SULT1C3: variants seen among roughly 807,000 people sequenced by gnomAD.
SULT1C3 encodes sulfotransferase 1C3.
Under a neutral mutation model 28.4 loss-of-function variants are expected in SULT1C3, and 31 were observed. The ratio of observed to expected loss-of-function variants is 1.09; its 90% CI spans 0.82 to 1.47. The LOEUF (loss-of-function observed/expected upper bound fraction) is 1.47, where lower values mean the gene tolerates loss of function less well. Ranked by LOEUF, SULT1C3 falls within the 40% of genes most tolerant of loss-of-function variation. The pLI, the probability that SULT1C3 is intolerant of heterozygous loss-of-function variation, is 0.00. For missense variants in SULT1C3, 307 were observed against 272.5 expected, an observed-to-expected ratio of 1.13 and a Z score of -0.89; for synonymous variants, 106 against 92.2, an observed-to-expected ratio of 1.15 and a Z score of -0.86.
In SULT1C3 at chr2:108,252,382, G is replaced by A. The variant is rs1396235515; in HGVS notation, c.190G>A (p.Glu64Lys). The change falls in exon 3 of 8, where the codon GAA becomes AAA. Residue 64 changes from glutamate (E) to lysine (K), a missense_variant. Transcript: ENST00000681802. Reference sequence around the variant, plus strand: ...ATTTTCAGGTACAACATGGATGCATGAAATTTTAGACATGATTCTAAATGA... The same window carrying A: ...ATTTTCAGGTACAACATGGATGCATAAAATTTTAGACATGATTCTAAATGA... ...YPKSGTTWMH[E>K]ILDMILNDGD... is the part of the protein sequence containing the mutation. The A allele has an allele frequency of 1.9e-6, 3 of 1,609,808 alleles. No individual in the cohort carries two copies. Among genetic ancestry groups the A allele is most frequent in the East Asian group, 2.2e-5 (1 of 44,704 alleles).
At chr2:108,257,332 C>T (rs1305850117) in intron 5 of SULT1C3, among the ~76,000 whole-genome samples, 3 of 151,992 alleles carry the variant, frequency 2.0e-5, no homozygotes, top group Non-Finnish European at 4.4e-5. Context: ...AGACCCACAA[C>T]TGCAGGAGCC....
intron 7 of SULT1C3, 47 bp downstream of exon 7, chr2:108,259,193 C>T (rs972753530): frequency 1.8e-5 from 5 of 274,224 alleles, no homozygotes; most frequent in Non-Finnish European, 3.6e-5. Flanking sequence ...AAATTTTCTA[C>T]CCTATATGCT....
At chr2:108,246,906 G>C (rs1675595678) in intron 1 of SULT1C3, among the ~76,000 whole-genome samples, 2 of 152,100 alleles carry the variant, frequency 1.3e-5, no homozygotes, top group African/African-American at 4.8e-5. Flanking sequence ...ATAAATCTCA[G>C]CCCCAACAGG....
At chr2:108,260,498 A>T (rs1675996997) in intron 7 of SULT1C3, 70 bp from the exon 8 acceptor site, 1 of 430,370 alleles carries the variant, frequency 2.3e-6, no homozygotes, top group South Asian at 1.7e-5. Context: ...AGGCCTAGGA[A>T]CCATTCACTA....
rs184646332 is a variant in SULT1C3 at position 108,258,226 on chromosome 2, C to T, written c.527-508C>T. Among the ~76,000 whole-genome samples, 356 of 152,248 alleles carry T rather than the reference C, an allele frequency of 2.3e-3. 1 individual carries two copies. The highest frequency in any genetic ancestry group is 3.9e-3 in the Admixed American group (59 of 15,280). The stretch of plus-strand genomic sequence containing the variant: ...TGGTGCTGGCTAACTCAGGTGTCCA[C>T]TCATTCTCTTACCAACTAGTGAAAA... On this transcript the variant is annotated intron_variant, in intron 5 of 7. Coordinates refer to ENST00000681802, the MANE Select transcript of SULT1C3 (RefSeq NM_001320878.2).
At position 108,247,327 on chromosome 2, in the gene SULT1C3, A is replaced by T. The variant is rs775745853; in HGVS notation, c.133A>T (p.Lys45Ter). The change falls in exon 2 of 8, where the codon AAG becomes TAG. Residue 45 changes from lysine (K) to a stop codon, truncating the protein, a stop_gained. Coordinates refer to ENST00000681802, the MANE Select transcript of SULT1C3 (RefSeq NM_001320878.2). LOFTEE classifies it high-confidence loss of function. ...WWEKVCNFQAKPDDLILATYP... is the reference protein window; with the variant it reads ...WWEKVCNFQA ...GGAAAAAGTATGTAATTTCCAAGCC[A>T]AGCCTGATGATCTTATTCTGGCAAC... The T allele has an allele frequency of 1.9e-6, 3 of 1,573,580 alleles. No homozygotes were observed. The highest frequency in any genetic ancestry group is 2.6e-6 in the Non-Finnish European group (3 of 1,158,942).
At chr2:108,252,937 C>A (rs967844426) in intron 3 of SULT1C3, among the ~76,000 whole-genome samples, 1 of 151,834 alleles carries the variant, frequency 6.6e-6, no homozygotes, top group Non-Finnish European at 1.5e-5. Flanking sequence ...GAGTGTAAAA[C>A]CCAGTGAATA....
chr2:108,256,720 C>T (rs931674148), intron 5 of SULT1C3, among the ~76,000 whole-genome samples: 11 of 151,998 alleles, frequency 7.2e-5, no homozygotes, highest in Non-Finnish European at 1.3e-4. Flanking sequence ...GTGACTTCCA[C>T]AACATGACCT....
downstream of SULT1C3, among the ~76,000 whole-genome samples, chr2:108,261,564 C>T (rs1241615653): frequency 3.3e-5 from 5 of 152,044 alleles, no homozygotes; most frequent in African/African-American, 1.2e-4. Context: ...AAGAGAAGGT[C>T]CTGAGGGGCC....
chr2:108,252,518 A>C lies in SULT1C3; in HGVS notation c.301+25A>C, dbSNP rs763004578. The C allele has an allele frequency of 1.9e-6, 3 of 1,609,952 alleles. No homozygotes were observed. The South Asian group carries it at 3.3e-5, about 18-fold the overall frequency. On this transcript the variant is annotated intron_variant, in intron 3 of 7. Transcript: ENST00000681802. ...GGTGAGTAATATGCACGAAGATAGAAAGGACTTTCACTTCAGGATTCCAGA... is the reference window on the plus strand; with the variant it reads ...GGTGAGTAATATGCACGAAGATAGACAGGACTTTCACTTCAGGATTCCAGA...
intron 1 of SULT1C3, among the ~76,000 whole-genome samples, chr2:108,242,624 T>C (rs1378416399): frequency 6.6e-6 from 1 of 152,196 alleles, no homozygotes; most frequent in East Asian, 1.9e-4. Context: ...TCTCTCATAA[T>C]GTGAAGTAAT....
chr2:108,262,840 T>G (rs940677120), downstream of SULT1C3, among the ~76,000 whole-genome samples: 1 of 152,102 alleles, frequency 6.6e-6, no homozygotes, highest in Non-Finnish European at 1.5e-5. Flanking sequence ...GCAGATGAAC[T>G]GGGGAGGAAG....
chr2:108,251,565 AG>A (rs1675725857), intron 2 of SULT1C3, among the ~76,000 whole-genome samples: 1 of 152,064 alleles, frequency 6.6e-6, no homozygotes, highest in Non-Finnish European at 1.5e-5. Context: ...AATGTTCGCT[AG>A]AACCTAATCA....
chr2:108,259,053 T>A lies in SULT1C3; in HGVS notation c.709T>A (p.Ser237Thr). 1 of 664,936 alleles carries A rather than the reference T, an allele frequency of 1.5e-6. No homozygotes were observed. The highest frequency in any genetic ancestry group is 2.8e-6 in the Non-Finnish European group (1 of 363,128). 41.2% of individuals were successfully genotyped at this position (664,936 alleles called of 1,614,324 possible). Residue 237 changes from serine to threonine, a missense_variant, in exon 7 of 8, where the codon TCA becomes ACA. Ser to Thr is a moderately conservative substitution (Grantham distance 58). Coordinates refer to ENST00000681802, the MANE Select transcript of SULT1C3 (RefSeq NM_001320878.2). ...DVINKIVHHT[S>T]FDVMKDNPMA... The stretch of plus-strand genomic sequence containing the variant: ...TATAAACAAGATTGTCCACCATACC[T>A]CATTTGATGTAATGAAGGATAATCC...
chr2:108,249,181 T>C (rs572581486), intron 2 of SULT1C3, among the ~76,000 whole-genome samples: 1 of 152,150 alleles, frequency 6.6e-6, no homozygotes, highest in Admixed American at 6.6e-5. Flanking sequence ...AACCCCAATT[T>C]CTAATCTACA....
chr2:108,254,577 T>C (rs1448088636), intron 4 of SULT1C3, among the ~76,000 whole-genome samples: 2 of 151,844 alleles, frequency 1.3e-5, no homozygotes, highest in Non-Finnish European at 2.9e-5. Flanking sequence ...AGGTAAACAG[T>C]GTCTGGCACG....
At chr2:108,263,668 G>A (rs1245414627), downstream of SULT1C3, among the ~76,000 whole-genome samples, 1 of 152,116 alleles carries the variant, frequency 6.6e-6, no homozygotes, top group Non-Finnish European at 1.5e-5. Context: ...AGTTCACAGG[G>A]CTTTAAGAAA....
At chr2:108,242,228 C>A (rs370163384) in intron 1 of SULT1C3, among the ~76,000 whole-genome samples, 1 of 152,138 alleles carries the variant, frequency 6.6e-6, no homozygotes, top group Non-Finnish European at 1.5e-5. Context: ...GAACTAAAAA[C>A]GTATTTGATT....
intron 5 of SULT1C3, among the ~76,000 whole-genome samples, chr2:108,256,997 T>A (rs1377582749): frequency 1.3e-5 from 2 of 152,086 alleles, no homozygotes; most frequent in East Asian, 3.9e-4. Context: ...TTTTCTTATA[T>A]GATTTTTTCC....
Sources: gnomAD v4.1 joint callset for allele counts (sites outside exome capture counted in the v4.1 genomes callset) on GRCh38, gnomAD v4.1.1 for gene constraint, MANE v1.5 for transcripts, NCBI Gene and HGNC (gene_info 2026-07-23, HGNC 2026-07-21) for gene names.